CFAP57: variants seen among roughly 807,000 people sequenced by gnomAD.
CFAP57 encodes the protein cilia- and flagella-associated protein 57.
CFAP57 carries 116 observed loss-of-function variants against 146.8 expected under a neutral mutation model. The observed-to-expected ratio is 0.79, with a 90% CI of 0.68 to 0.92. The LOEUF is 0.92. CFAP57 is among the 40% of genes least tolerant of loss of function. The pLI is 0.00. For synonymous variants in CFAP57, 518 were observed against 552.8 expected (o/e 0.94, Z 0.88); for missense variants, 1,377 against 1,527.2 (o/e 0.90, Z 1.64).
intron 11 of CFAP57, among the ~76,000 whole-genome samples, chr1:43,212,950 A>AAG (rs1491031540): frequency 1.1e-5 from 1 of 90,930 alleles, no homozygotes; most frequent in Non-Finnish European, 2.8e-5. Flanking sequence ...AAAAAAAAAA[A>AAG]GAAAGAAAGA....
intron 6 of CFAP57, among the ~76,000 whole-genome samples, chr1:43,192,939 A>T (rs921504291): frequency 6.6e-6 from 1 of 152,166 alleles, no homozygotes; most frequent in Non-Finnish European, 1.5e-5. Flanking sequence ...AAAAAAAAAA[A>T]TAAAAAGAAA....
In CFAP57 at chr1:43,172,364, G is replaced by T. The variant is rs367612637; in HGVS notation, c.-109G>T. On this transcript the variant is annotated 5_prime_UTR_variant, in exon 1 of 23. Coordinates refer to ENST00000372492, the MANE Select transcript of CFAP57 (RefSeq NM_001378189.1). ...TTGTCGTTGCTATAGGAACCGCTAC[G>T]GCGTTTGAAAGTGTCCGGGTTGCTT... is the stretch of plus-strand genomic sequence containing the variant. 1.9e-6 allele frequency: 3 copies of T among 1,551,478 alleles called. No homozygotes were observed. The highest frequency in any genetic ancestry group is 1.7e-6 in the Non-Finnish European group (2 of 1,146,994).
chr1:43,178,049 A>G (rs547269633), intron 2 of CFAP57, among the ~76,000 whole-genome samples: 2 of 152,234 alleles, frequency 1.3e-5, no homozygotes, highest in Non-Finnish European at 2.9e-5. Flanking sequence ...AGGATTCCCT[A>G]TTTAATAAAT....
chr1:43,208,632 C>T (rs970455146), intron 10 of CFAP57, among the ~76,000 whole-genome samples: 16 of 152,154 alleles, frequency 1.1e-4, no homozygotes, highest in South Asian at 8.3e-4. Context: ...CACCACACAA[C>T]GGGGCCTGTC....
chr1:43,182,002 C>G (rs900310762), intron 3 of CFAP57, 152 bp downstream of exon 3: 1 of 912,670 alleles, frequency 1.1e-6, no homozygotes, highest in Non-Finnish European at 1.7e-6. Context: ...ATCATTATCC[C>G]CATTTTACAG....
intron 6 of CFAP57, among the ~76,000 whole-genome samples, chr1:43,192,046 GTTTC>G (rs1304815869): frequency 3.3e-5 from 5 of 150,018 alleles, no homozygotes; most frequent in Admixed American, 6.6e-5. Context: ...GAGTTTTCCA[GTTTC>G]TTTCTGTTTG....
In CFAP57 at chr1:43,178,567, A is replaced by G. The variant is rs544258511; in HGVS notation, c.158-2967A>G. ...CATTACTGGCCATCAGAGAAATGCAAATCAAAACCACAATGAGATACCATC... is the reference window on the plus strand; with the variant it reads ...CATTACTGGCCATCAGAGAAATGCAGATCAAAACCACAATGAGATACCATC... On this transcript the variant is annotated intron_variant, in intron 2 of 22. Coordinates refer to ENST00000372492, the MANE Select transcript of CFAP57 (RefSeq NM_001378189.1). Among the ~76,000 whole-genome samples the G allele has an allele frequency of 7.2e-5, 11 of 152,360 alleles. No individual in the cohort carries two copies. The East Asian group carries it at 2.1e-3, about 29-fold the overall frequency.
intron 17 of CFAP57, among the ~76,000 whole-genome samples, chr1:43,225,041 A>C (rs193252976): frequency 6.6e-6 from 1 of 151,798 alleles, no homozygotes. Flanking sequence ...GTCGGTGTAC[A>C]TATCCAGGGT....
At chr1:43,181,981 A>G in intron 3 of CFAP57, 131 bp downstream of exon 3, 2 of 1,039,268 alleles carry the variant, frequency 1.9e-6, no homozygotes, top group Non-Finnish European at 2.9e-6. Flanking sequence ...CAACCGTATA[A>G]GGTATGCACA....
At chr1:43,181,473 C>T in intron 2 of CFAP57, 61 bp from the exon 3 acceptor site, 1 of 1,593,772 alleles carries the variant, frequency 6.3e-7, no homozygotes, top group South Asian at 1.1e-5. Context: ...TGCCTGGTTC[C>T]TGTTGAACCC....
chr1:43,188,388 A>G (rs1202002474), intron 6 of CFAP57, among the ~76,000 whole-genome samples: 2 of 152,104 alleles, frequency 1.3e-5, no homozygotes, highest in African/African-American at 4.8e-5. Flanking sequence ...GGACCGTTTT[A>G]TATTCCCATA....
At chr1:43,180,238 T>TATATATATATATATATATATATATAA (rs1363991276) in intron 2 of CFAP57, among the ~76,000 whole-genome samples, 4 of 137,814 alleles carry the variant, frequency 2.9e-5, no homozygotes, top group African/African-American at 1.0e-4. Context: ...TATATATATA[T>TATATATATATATATATATATATATAA]AAAATATATA....
Position 43,185,131 on chromosome 1 carries a change from C to G in CFAP57, c.762-18C>G. On this transcript the variant is annotated intron_variant, in intron 4 of 22. Transcript: ENST00000372492. ...AGATTGTCTCTATAAATTATGTATG[C>G]TGTTTTTTTGTTTCCAGCCTGATTG... The G allele has an allele frequency of 6.2e-7, 1 of 1,612,800 alleles. No individual in the cohort carries two copies. Among genetic ancestry groups the G allele is most frequent in the Admixed American group, 1.7e-5 (1 of 60,002 alleles).
intron 22 of CFAP57, among the ~76,000 whole-genome samples, chr1:43,244,626 C>A (rs1646044502): frequency 6.6e-6 from 1 of 152,112 alleles, no homozygotes; most frequent in African/African-American, 2.4e-5. Flanking sequence ...TACTTGGGGC[C>A]AGGTGCGGTG....
chr1:43,189,696 A>C (rs926876391), intron 6 of CFAP57, among the ~76,000 whole-genome samples: 1 of 152,222 alleles, frequency 6.6e-6, no homozygotes, highest in Admixed American at 6.5e-5. Flanking sequence ...TTTATAAAGA[A>C]AGGAAGTTTA....
intron 21 of CFAP57, among the ~76,000 whole-genome samples, chr1:43,241,464 G>T (rs1056604472): frequency 6.6e-6 from 1 of 151,998 alleles, no homozygotes; most frequent in Non-Finnish European, 1.5e-5. Context: ...GGGTTCCACA[G>T]GTACCTCCCC....
In CFAP57 at chr1:43,249,421, C is replaced by CTTTTTTTT. The variant is rs60189164; in HGVS notation, c.3539-4537_3539-4530dup. ...TTAGTTATTTCCTTCTTAACCATTT[C>CTTTTTTTT]TTTTTTTTTTTTTTTTTTTTTTTTT... On this transcript the variant is annotated intron_variant, in intron 22 of 22. Transcript: ENST00000372492. Among the ~76,000 whole-genome samples, 16 of 67,924 alleles carry CTTTTTTTT rather than the reference C, an allele frequency of 2.4e-4. 1 individual carries two copies. Among genetic ancestry groups the CTTTTTTTT allele is most frequent in the African/African-American group, 6.1e-4 (11 of 17,906 alleles). 44.6% of individuals were successfully genotyped at this position (67,924 alleles called of 152,430 possible).
At chr1:43,185,458 A>C in intron 5 of CFAP57, 102 bp downstream of exon 5, 1 of 1,059,318 alleles carries the variant, frequency 9.4e-7, no homozygotes, top group Non-Finnish European at 1.4e-6. Flanking sequence ...GGGATAGGGC[A>C]GGATTGCTGA....
chr1:43,220,551 C>T (rs901209753), intron 13 of CFAP57, among the ~76,000 whole-genome samples: 37 of 152,046 alleles, frequency 2.4e-4, no homozygotes, highest in African/African-American at 8.9e-4. Flanking sequence ...ATAGTGAGAC[C>T]CTGTCTCTAT....
Sources: allele counts gnomAD v4.1 joint callset (sites outside exome capture counted in the v4.1 genomes callset), GRCh38; gene constraint gnomAD v4.1.1; transcripts MANE v1.5; gene names NCBI Gene and HGNC (gene_info 2026-07-23, HGNC 2026-07-21).